The following PARM1 variants were observed in gnomAD, a reference collection of about 807,000 sequenced individuals.
PARM1 encodes the protein prostate androgen-regulated mucin-like protein 1.
In PARM1, 14 loss-of-function variants were observed where a neutral mutation model predicts 24.6. The observed-to-expected ratio is 0.57, with a 90% CI of 0.38 to 0.89. PARM1 has a LOEUF of 0.89. Ranked by LOEUF, PARM1 falls within the 40% of genes least tolerant of loss-of-function variation. PARM1 has a pLI of 0.00. For missense variants in PARM1, 362 were observed against 380.4 expected (o/e 0.95, Z 0.40); for synonymous variants, 179 against 156.6 (o/e 1.14, Z -1.07).
intron 1 of PARM1, chr4:74,956,730 T>C (rs183521152): frequency 4.6e-4 from 70 of 152,348 alleles, no homozygotes; most frequent in African/African-American, 1.6e-3. Context: ...TGAAGCCCAG[T>C]ATTTACTCTA....
At chr4:75,018,984 G>T (rs1723038906) in intron 2 of PARM1, among the ~76,000 whole-genome samples, 1 of 152,254 alleles carries the variant, frequency 6.6e-6, no homozygotes. Flanking sequence ...AGATGGGCTA[G>T]TTGCCAGATG....
chr4:74,936,082 A>G (rs1721177449), intron 1 of PARM1, among the ~76,000 whole-genome samples: 1 of 151,926 alleles, frequency 6.6e-6, no homozygotes, highest in Admixed American at 6.6e-5. Context: ...TGATCCTCCC[A>G]CCTTGGTCAT....
chr4:75,019,269 C>T (rs1174569838), intron 2 of PARM1, among the ~76,000 whole-genome samples: 1 of 152,180 alleles, frequency 6.6e-6, no homozygotes, highest in African/African-American at 2.4e-5. Flanking sequence ...CAATTTGGTG[C>T]TCAGTACATG....
chr4:74,949,094 G>T (rs1721464367), intron 1 of PARM1, among the ~76,000 whole-genome samples: 1 of 152,072 alleles, frequency 6.6e-6, no homozygotes, highest in Non-Finnish European at 1.5e-5. Flanking sequence ...TTATATTTGG[G>T]CAATCATCAT....
chr4:74,974,125 A>G (rs1681129730), intron 1 of PARM1, among the ~76,000 whole-genome samples: 2 of 152,192 alleles, frequency 1.3e-5, no homozygotes, highest in African/African-American at 4.8e-5. Context: ...GCAGAAAAAG[A>G]AGAGGCAAAT....
intron 2 of PARM1, among the ~76,000 whole-genome samples, chr4:75,027,477 T>C (rs1723204000): frequency 3.9e-5 from 6 of 152,024 alleles, no homozygotes; most frequent in Admixed American, 3.9e-4. Flanking sequence ...ATGGTAAAAT[T>C]AAGATCTACC....
At chr4:75,036,222 C>T (rs1472911859) in intron 3 of PARM1, among the ~76,000 whole-genome samples, 1 of 152,210 alleles carries the variant, frequency 6.6e-6, no homozygotes. Flanking sequence ...TTGCTACACA[C>T]TTCCCCAAAA....
At chr4:74,979,290 C>T (rs1722200706) in intron 1 of PARM1, among the ~76,000 whole-genome samples, 1 of 152,078 alleles carries the variant, frequency 6.6e-6, no homozygotes, top group South Asian at 2.1e-4. Flanking sequence ...GATATCGCCA[C>T]TGACCCAACA....
chr4:74,933,375 T>A lies in PARM1; in HGVS notation c.43+5T>A. The A allele has an allele frequency of 6.2e-7, 1 of 1,612,478 alleles. No individual in the cohort carries two copies. The highest frequency in any genetic ancestry group is 8.5e-7 in the Non-Finnish European group (1 of 1,179,272). ...CTCTTTGCATCTTAACTGCAGGTAA[T>A]TGGCGCCATCCTCCCGGAAGGGCAG... On this transcript the variant is annotated splice_donor_5th_base_variant and intron_variant, in intron 1 of 3. Coordinates refer to ENST00000307428, the MANE Select transcript of PARM1 (RefSeq NM_015393.4).
At chr4:74,970,091 G>A (rs1721996141) in intron 1 of PARM1, 1 of 152,234 alleles carries the variant, frequency 6.6e-6, no homozygotes. Context: ...ATGTCATCTA[G>A]TCACGATGCA....
chr4:75,006,052 A>G (rs982190813), intron 1 of PARM1, among the ~76,000 whole-genome samples: 3 of 152,192 alleles, frequency 2.0e-5, no homozygotes, highest in Non-Finnish European at 4.4e-5. Flanking sequence ...TTTCTTCATC[A>G]TATCTTCTCA....
At chr4:74,938,832 A>C (rs1217450379) in intron 1 of PARM1, among the ~76,000 whole-genome samples, 6 of 152,184 alleles carry the variant, frequency 3.9e-5, no homozygotes, top group Admixed American at 3.3e-4. Context: ...GCCATTGTGT[A>C]AGTAATAGAA....
At chr4:74,973,756 C>T (rs1722087043) in intron 1 of PARM1, among the ~76,000 whole-genome samples, 1 of 152,100 alleles carries the variant, frequency 6.6e-6, no homozygotes, top group African/African-American at 2.4e-5. Flanking sequence ...GACCCAAGTT[C>T]CTGCAGAGGA....
chr4:74,947,650 T>A (rs1721435876), intron 1 of PARM1, among the ~76,000 whole-genome samples: 1 of 152,246 alleles, frequency 6.6e-6, no homozygotes, highest in Non-Finnish European at 1.5e-5. Flanking sequence ...ATTTTATTTA[T>A]AGAAGAAATG....
intron 1 of PARM1, among the ~76,000 whole-genome samples, chr4:74,976,468 T>A (rs1677031589): frequency 6.6e-6 from 1 of 152,088 alleles, no homozygotes; most frequent in Non-Finnish European, 1.5e-5. Context: ...ATGGAGACCC[T>A]GGGAGGAGGG....
rs1384002758 is a variant in PARM1 at position 75,047,214 on chromosome 4, T to A, written c.*967T>A. ...AGGAGCCCAGAGACCGTTTGCTTTA[T>A]ACCCACACAGCAACTGGTCCACTGC... On this transcript the variant is annotated 3_prime_UTR_variant, in exon 4 of 4. Coordinates refer to ENST00000307428, the MANE Select transcript of PARM1 (RefSeq NM_015393.4). 6.6e-6 allele frequency: 1 copy of A among 152,214 alleles called. No homozygotes were observed. The highest frequency in any genetic ancestry group is 1.5e-5 in the Non-Finnish European group (1 of 68,052). 9.4% of individuals were successfully genotyped at this position (152,214 alleles called of 1,614,324 possible).
chr4:75,048,186 A>G lies in PARM1; in HGVS notation c.*1939A>G, dbSNP rs530749256. ...AGTAGGGGCAGTGCCACTTTCTACA[A>G]CCTGCCAACCCACACACTGGAGTAA... On this transcript the variant is annotated 3_prime_UTR_variant, in exon 4 of 4. Coordinates refer to ENST00000307428, the MANE Select transcript of PARM1 (RefSeq NM_015393.4). 2.1e-4 allele frequency: 32 copies of G among 152,212 alleles called. No individual in the cohort carries two copies. Among genetic ancestry groups the G allele is most frequent in the African/African-American group, 7.5e-4 (31 of 41,524 alleles). 9.4% of individuals were successfully genotyped at this position (152,212 alleles called of 1,614,324 possible).
At chr4:74,950,238 A>C (rs565048967) in intron 1 of PARM1, among the ~76,000 whole-genome samples, 1 of 152,312 alleles carries the variant, frequency 6.6e-6, no homozygotes, top group Non-Finnish European at 1.5e-5. Context: ...AAACAACAGA[A>C]ACATATTCTC....
At chr4:74,936,273 A>T (rs1721181173) in intron 1 of PARM1, among the ~76,000 whole-genome samples, 1 of 152,146 alleles carries the variant, frequency 6.6e-6, no homozygotes, top group Non-Finnish European at 1.5e-5. Flanking sequence ...ATATTGGAGT[A>T]CTGATTCCAG....
Sources: gnomAD v4.1 joint callset for allele counts (sites outside exome capture counted in the v4.1 genomes callset) on GRCh38, gnomAD v4.1.1 for gene constraint, MANE v1.5 for transcripts, NCBI Gene and HGNC (gene_info 2026-07-23, HGNC 2026-07-21) for gene names.